Variants in WASL observed in about 807,000 individuals in gnomAD.
WASL encodes the protein actin nucleation-promoting factor WASL.
A neutral mutation model predicts 55.5 loss-of-function variants in WASL; 20 were observed. That is an observed-to-expected ratio of 0.36 (90% CI 0.25 to 0.52). The LOEUF (loss-of-function observed/expected upper bound fraction) is 0.52. Among genes scored for constraint, WASL ranks in the 20% least tolerant of loss-of-function variants. The probability of loss-of-function intolerance (pLI) is 0.92; values close to 1 mark genes in which losing one functional copy is unlikely to be tolerated. For missense variants in WASL, 504 were observed against 622.5 expected, an observed-to-expected ratio of 0.81 and a Z score of 2.03; for synonymous variants, 249 against 217.6, an observed-to-expected ratio of 1.14 and a Z score of -1.27.
intron 9 of WASL, among the ~76,000 whole-genome samples, chr7:123,690,371 C>G (rs1803388564): frequency 6.6e-6 from 1 of 152,152 alleles, no homozygotes; most frequent in Non-Finnish European, 1.5e-5. Flanking sequence ...TTATGTTAAT[C>G]ATATTCATCA....
Position 123,692,658 on chromosome 7 carries a change from G to A in WASL, c.1036C>T (p.Pro346Ser), listed in dbSNP as rs769998418. Reference protein sequence around the residue: ...PPPPNRMYPPPPPALPSSAPS... With the variant: ...PPPPNRMYPPSPPALPSSAPS... The stretch of plus-strand genomic sequence containing the variant: ...GCTGAGGAGGGAAGGGCTGGAGGTG[G>A]AGGAGGGTACATCCTATTTGGCGGT... The change falls in exon 9 of 11, where the codon CCA (proline) becomes TCA (serine). Residue 346 changes from proline (P) to serine (S), a missense_variant. Physicochemically the swap from Pro to Ser is moderately conservative, Grantham distance 74. This residue lies in a region of WASL where 201 missense variants were observed against 206.2 expected (regional missense o/e 0.97). Coordinates refer to ENST00000223023, the MANE Select transcript of WASL (RefSeq NM_003941.4). The A allele has an allele frequency of 1.9e-6, 3 of 1,565,504 alleles. No homozygotes were observed. Among genetic ancestry groups the A allele is most frequent in the African/African-American group, 1.4e-5 (1 of 72,724 alleles).
intron 7 of WASL, 47 bp downstream of exon 7, chr7:123,695,776 C>A (rs773293786): frequency 3.9e-5 from 61 of 1,578,216 alleles, no homozygotes; most frequent in Non-Finnish European, 4.9e-5. Flanking sequence ...TAGGCCAACA[C>A]ATTTCCACAT....
chr7:123,704,177 C>T (rs183763014), intron 5 of WASL, among the ~76,000 whole-genome samples: 51 of 152,112 alleles, frequency 3.4e-4, no homozygotes, highest in Admixed American at 8.5e-4. Flanking sequence ...TTGAAAGGGG[C>T]TTCATATAAC....
At chr7:123,748,585 T>C (rs1389481737) in intron 1 of WASL, 33 bp downstream of exon 1, 1 of 1,609,106 alleles carries the variant, frequency 6.2e-7, no homozygotes, top group Non-Finnish European at 8.5e-7. Flanking sequence ...TGAGGTAATG[T>C]CACGGGTGGC....
At chr7:123,711,233 G>A (rs1221082703) in intron 1 of WASL, among the ~76,000 whole-genome samples, 2 of 151,630 alleles carry the variant, frequency 1.3e-5, no homozygotes, top group East Asian at 1.9e-4. Context: ...AAATATTCAC[G>A]TTGTAAAACA....
At chr7:123,690,692 A>G (rs1162405319) in intron 9 of WASL, among the ~76,000 whole-genome samples, 2 of 145,164 alleles carry the variant, frequency 1.4e-5, no homozygotes, top group Admixed American at 7.0e-5. Context: ...TTAACTCTTA[A>G]ACTTTTTAAA....
rs779620949 is a variant in WASL at position 123,685,561 on chromosome 7, G to A, written c.1457-981C>T. On this transcript the variant is annotated intron_variant, in intron 10 of 10. Transcript: ENST00000223023. The stretch of plus-strand genomic sequence containing the variant: ...ATAGCTCTTCCCCATAATCAGTAAC[G>A]GCCTATCCCATTTTACTTTCCTCAT... Among the ~76,000 whole-genome samples the A allele has an allele frequency of 5.3e-5, 8 of 151,868 alleles. No homozygotes were observed. In the East Asian group the frequency reaches 9.7e-4, roughly 18 times the overall value.
Position 123,683,813 on chromosome 7 carries a change from A to G in WASL, c.*706T>C, listed in dbSNP as rs1803241100. On this transcript the variant is annotated 3_prime_UTR_variant, in exon 11 of 11. Transcript: ENST00000223023. ...AAAAAGAGCCTGTCACATTTGCTAC[A>G]GCATAAAAATAACCCCAGTCAATAA... 6.6e-6 allele frequency: 1 copy of G among 152,062 alleles called. No individual in the cohort carries two copies. Among genetic ancestry groups the G allele is most frequent in the Admixed American group, 6.6e-5 (1 of 15,236 alleles). 9.4% of individuals were successfully genotyped at this position (152,062 alleles called of 1,614,324 possible).
chr7:123,735,778 G>A (rs1330599550), intron 1 of WASL, among the ~76,000 whole-genome samples: 2 of 152,056 alleles, frequency 1.3e-5, no homozygotes, highest in African/African-American at 4.8e-5. Context: ...AGGAAGACGA[G>A]GAGGACAGGG....
At chr7:123,740,257 G>C (rs1584875497) in intron 1 of WASL, among the ~76,000 whole-genome samples, 1 of 151,008 alleles carries the variant, frequency 6.6e-6, no homozygotes, top group East Asian at 1.9e-4. Flanking sequence ...TTTTCTTGAG[G>C]GGCTTTTCTG....
Position 123,682,034 on chromosome 7 carries a change from C to G in WASL, c.*2485G>C, listed in dbSNP as rs1279617949. ...CACTATACATTTCAAAAAAAGAATT[C>G]ACATACTAAACAAAATTTCAGTTGT... On this transcript the variant is annotated 3_prime_UTR_variant, in exon 11 of 11. Coordinates refer to ENST00000223023, the MANE Select transcript of WASL (RefSeq NM_003941.4). The G allele has an allele frequency of 1.3e-5, 2 of 152,074 alleles. No individual in the cohort carries two copies. The highest frequency in any genetic ancestry group is 4.8e-5 in the African/African-American group (2 of 41,422). 9.4% of individuals were successfully genotyped at this position (152,074 alleles called of 1,614,324 possible). A position where few individuals can be genotyped will look rare whatever the true frequency, so the allele number is the denominator to read the frequency against.
At chr7:123,700,188 AAAAAAAAAAAAAAAAAAAAC>A (rs1338952417) in intron 5 of WASL, among the ~76,000 whole-genome samples, 2 of 85,032 alleles carry the variant, frequency 2.4e-5, no homozygotes, top group Non-Finnish European at 4.6e-5. Context: ...AAAAAAAAAA[AAAAAAAAAAAAAAAAAAAAC>A]AACATTATTT....
intron 1 of WASL, among the ~76,000 whole-genome samples, chr7:123,743,709 G>A (rs2116829568): frequency 6.6e-6 from 1 of 152,228 alleles, no homozygotes; most frequent in Middle Eastern, 3.4e-3. Context: ...AGAATACTTT[G>A]TGTCATGGAC....
At chr7:123,715,050 C>G (rs1179493117) in intron 1 of WASL, among the ~76,000 whole-genome samples, 2 of 152,130 alleles carry the variant, frequency 1.3e-5, no homozygotes, top group African/African-American at 4.8e-5. Context: ...TAATACAAAA[C>G]ACAGCTCAAT....
chr7:123,690,234 C>T (rs1803379845), intron 9 of WASL, among the ~76,000 whole-genome samples: 1 of 152,152 alleles, frequency 6.6e-6, no homozygotes, highest in Admixed American at 6.5e-5. Flanking sequence ...AGCATACTCT[C>T]ATCAAACACA....
At chr7:123,690,892 T>A (rs892926844) in intron 9 of WASL, among the ~76,000 whole-genome samples, 29 of 152,142 alleles carry the variant, frequency 1.9e-4, no homozygotes, top group Non-Finnish European at 3.1e-4. Context: ...AAAGCTGGGC[T>A]GTGGTCATTT....
At chr7:123,718,185 T>C (rs2116800666) in intron 1 of WASL, among the ~76,000 whole-genome samples, 1 of 152,316 alleles carries the variant, frequency 6.6e-6, no homozygotes, top group East Asian at 1.9e-4. Context: ...TGTTGTGATC[T>C]TTTCTCACAC....
At chr7:123,703,214 C>G (rs1202304266) in intron 5 of WASL, among the ~76,000 whole-genome samples, 1 of 152,252 alleles carries the variant, frequency 6.6e-6, no homozygotes, top group African/African-American at 2.4e-5. Flanking sequence ...CTTGACATAA[C>G]ATAGTGGTTA....
At chr7:123,700,095 G>C (rs1803555533) in intron 5 of WASL, among the ~76,000 whole-genome samples, 1 of 140,274 alleles carries the variant, frequency 7.1e-6, no homozygotes, top group Non-Finnish European at 1.5e-5. Flanking sequence ...AGAATGGCGT[G>C]AACCCGGGAG....
Sources: gnomAD v4.1 joint callset for allele counts (sites outside exome capture counted in the v4.1 genomes callset) on GRCh38, gnomAD v4.1.1 for gene constraint, gnomAD v4.1.1 regional missense constraint, MANE v1.5 for transcripts, NCBI Gene and HGNC (gene_info 2026-07-23, HGNC 2026-07-21) for gene names.